The following TBXAS1 variants were observed in gnomAD, a reference collection of about 807,000 sequenced individuals.
TBXAS1 encodes thromboxane-A synthase.
A neutral mutation model predicts 60.7 loss-of-function variants in TBXAS1; 48 were observed. The ratio of observed to expected loss-of-function variants is 0.79; its 90% CI spans 0.63 to 1.01. The LOEUF (loss-of-function observed/expected upper bound fraction) is 1.01, where lower values mean the gene tolerates loss of function less well. Ranked by LOEUF, TBXAS1 falls within the 50% of genes least tolerant of loss-of-function variation. The pLI, the probability that TBXAS1 is intolerant of heterozygous loss-of-function variation, is 0.00. For missense variants in TBXAS1, 685 were observed against 686.3 expected (o/e 1.00, Z 0.02); for synonymous variants, 287 against 269.7 (o/e 1.06, Z -0.63).
intron 1 of TBXAS1, among the ~76,000 whole-genome samples, chr7:139,851,375 T>C (rs1466051942): frequency 6.6e-6 from 1 of 152,244 alleles, no homozygotes; most frequent in African/African-American, 2.4e-5. Flanking sequence ...ACATGATGTT[T>C]ATAAAGTGTG....
chr7:139,929,046 C>T (rs921825954), intron 4 of TBXAS1, among the ~76,000 whole-genome samples: 1 of 152,142 alleles, frequency 6.6e-6, no homozygotes, highest in Non-Finnish European at 1.5e-5. Flanking sequence ...AAGGACCACA[C>T]CCTAGAGAGA....
At chr7:140,009,168 A>G (rs1003566071) in intron 10 of TBXAS1, among the ~76,000 whole-genome samples, 1 of 152,240 alleles carries the variant, frequency 6.6e-6, no homozygotes, top group African/African-American at 2.4e-5. Context: ...AGCAGAGCAG[A>G]AAAGGAAGTT....
At position 139,897,972 on chromosome 7, in the gene TBXAS1, G is replaced by A. The variant is rs540756935; in HGVS notation, c.237-13253G>A. On this transcript the variant is annotated intron_variant, in intron 3 of 12. Coordinates refer to ENST00000448866, the MANE Select transcript of TBXAS1 (RefSeq NM_001061.7). ...CAGACGGGAGAGCTGACCCAAAAGGGAAAGACACTCCATGAGCCAAGCAGG... is the reference window on the plus strand; with the variant it reads ...CAGACGGGAGAGCTGACCCAAAAGGAAAAGACACTCCATGAGCCAAGCAGG... Among the ~76,000 whole-genome samples, 8 of 152,286 alleles carry A rather than the reference G, an allele frequency of 5.3e-5. No individual in the cohort carries two copies. In the South Asian group the frequency reaches 1.7e-3, roughly 32 times the overall value.
intron 11 of TBXAS1, 114 bp downstream of exon 11, chr7:140,015,974 G>A: frequency 7.0e-7 from 1 of 1,438,032 alleles, no homozygotes; most frequent in Non-Finnish European, 9.7e-7. Flanking sequence ...TCCCCAAATA[G>A]TCAAAAGTTA....
At chr7:140,015,038 T>C (rs1814920393) in intron 10 of TBXAS1, among the ~76,000 whole-genome samples, 1 of 152,108 alleles carries the variant, frequency 6.6e-6, no homozygotes. Flanking sequence ...TCTTCAACTT[T>C]TCTGTAAGTT....
intron 1 of TBXAS1, among the ~76,000 whole-genome samples, chr7:139,844,078 C>A (rs190874196): frequency 6.6e-5 from 10 of 152,228 alleles, no homozygotes; most frequent in African/African-American, 2.2e-4. Context: ...GAGGAATTGC[C>A]CCATTTGAAA....
At position 139,936,074 on chromosome 7, in the gene TBXAS1, T is replaced by G; in HGVS notation, c.334-117T>G. ...CCTCTCTCTCCTTGCAAGAGAAACC[T>G]CCTAACTTGTTGGCCACTGATGGAC... On this transcript the variant is annotated intron_variant, in intron 4 of 12. Coordinates refer to ENST00000448866, the MANE Select transcript of TBXAS1 (RefSeq NM_001061.7). 3.3e-6 allele frequency: 3 copies of G among 900,042 alleles called. No individual in the cohort carries two copies. The South Asian group carries it at 3.9e-5, about 12-fold the overall frequency. The allele number at this position is 900,042 out of a possible 1,614,324, so 55.8% of individuals were successfully genotyped here.
intron 9 of TBXAS1, among the ~76,000 whole-genome samples, chr7:139,991,513 G>A (rs776807899): frequency 1.2e-4 from 19 of 152,194 alleles, no homozygotes; most frequent in Non-Finnish European, 2.8e-4. Flanking sequence ...CAAGGTTAAG[G>A]GAGAGGTCAT....
intron 9 of TBXAS1, among the ~76,000 whole-genome samples, chr7:140,005,820 C>T (rs1318952099): frequency 6.6e-6 from 1 of 152,238 alleles, no homozygotes; most frequent in Non-Finnish European, 1.5e-5. Flanking sequence ...AGCTACGATA[C>T]TGGCTATGGA....
intron 1 of TBXAS1, among the ~76,000 whole-genome samples, chr7:139,871,807 A>C (rs1445472082): frequency 6.6e-6 from 1 of 152,188 alleles, no homozygotes; most frequent in East Asian, 1.9e-4. Context: ...TGACCATGAA[A>C]ATACACACAT....
intron 9 of TBXAS1, among the ~76,000 whole-genome samples, chr7:139,970,383 A>G (rs1811110969): frequency 6.6e-6 from 1 of 152,250 alleles, no homozygotes; most frequent in Admixed American, 6.5e-5. Flanking sequence ...CTGGGATTAC[A>G]GGCGTGAGCC....
At chr7:139,820,490 T>C (rs1798268261) in intron 4 of TBXAS1, among the ~76,000 whole-genome samples, 1 of 152,206 alleles carries the variant, frequency 6.6e-6, no homozygotes, top group Non-Finnish European at 1.5e-5. Context: ...TGCTGTGTGA[T>C]GGGGGCACCT....
intron 4 of TBXAS1, among the ~76,000 whole-genome samples, chr7:139,822,731 A>G (rs1318465379): frequency 6.6e-6 from 1 of 151,992 alleles, no homozygotes; most frequent in Non-Finnish European, 1.5e-5. Context: ...TCAGCAACCA[A>G]ATACTATGGA....
intron 1 of TBXAS1, among the ~76,000 whole-genome samples, chr7:139,851,973 C>T (rs926048113): frequency 6.6e-6 from 1 of 152,126 alleles, no homozygotes; most frequent in Non-Finnish European, 1.5e-5. Context: ...ATCTTGGGCT[C>T]GCTCTCTCCC....
chr7:139,821,798 C>T (rs143558631), intron 4 of TBXAS1, among the ~76,000 whole-genome samples: 2 of 152,348 alleles, frequency 1.3e-5, no homozygotes, highest in African/African-American at 2.4e-5. Context: ...TCTGTCCAAA[C>T]CCCCTTTTCT....
intron 1 of TBXAS1, among the ~76,000 whole-genome samples, chr7:139,846,266 C>G (rs1799795181): frequency 6.6e-6 from 1 of 152,232 alleles, no homozygotes; most frequent in South Asian, 2.1e-4. Context: ...AAACACTTCA[C>G]TCTTTCTGCC....
At chr7:139,911,466 G>A (rs1805513734) in intron 4 of TBXAS1, 145 bp downstream of exon 4, 5 of 764,222 alleles carry the variant, frequency 6.5e-6, no homozygotes, top group South Asian at 1.4e-5. Flanking sequence ...CAGTGAACTC[G>A]GTTTTTCAAA....
intron 4 of TBXAS1, among the ~76,000 whole-genome samples, chr7:139,806,049 C>T (rs1797866444): frequency 6.6e-6 from 1 of 150,492 alleles, no homozygotes. Context: ...ATTCTCCTGC[C>T]TCAGCCTCCC....
At chr7:139,956,062 C>A (rs1809843390) in intron 7 of TBXAS1, among the ~76,000 whole-genome samples, 1 of 152,168 alleles carries the variant, frequency 6.6e-6, no homozygotes, top group African/African-American at 2.4e-5. Context: ...CCACTTGAAG[C>A]CCAACACACA....
Sources: allele counts gnomAD v4.1 joint callset (sites outside exome capture counted in the v4.1 genomes callset), GRCh38; gene constraint gnomAD v4.1.1; transcripts MANE v1.5; gene names NCBI Gene and HGNC (gene_info 2026-07-23, HGNC 2026-07-21).